Variants in CNBD1 observed in about 807,000 individuals in gnomAD.
CNBD1 encodes the protein cyclic nucleotide-binding domain-containing protein 1.
A neutral mutation model predicts 54.4 loss-of-function variants in CNBD1; 71 were observed. The ratio of observed to expected loss-of-function variants is 1.30; its 90% CI spans 1.08 to 1.59. The LOEUF (loss-of-function observed/expected upper bound fraction) is 1.59, where lower values mean the gene tolerates loss of function less well. CNBD1 is among the 40% of genes most tolerant of loss of function. The pLI is 0.00. For missense variants in CNBD1, 659 were observed against 518.0 expected, an observed-to-expected ratio of 1.27 and a Z score of -2.64; for synonymous variants, 182 against 170.7, an observed-to-expected ratio of 1.07 and a Z score of -0.51.
chr8:87,034,438 G>A (rs1333375216), intron 4 of CNBD1, among the ~76,000 whole-genome samples: 2 of 152,196 alleles, frequency 1.3e-5, no homozygotes, highest in African/African-American at 4.8e-5. Flanking sequence ...CATCTCAACA[G>A]CAACAGGAGG....
chr8:87,380,809 C>G (rs888166015), intron 10 of CNBD1, among the ~76,000 whole-genome samples: 1 of 151,818 alleles, frequency 6.6e-6, no homozygotes, highest in Admixed American at 6.6e-5. Context: ...AATTTAATCT[C>G]TACAAAAATA....
chr8:87,226,313 G>C (rs1321828938), intron 5 of CNBD1, among the ~76,000 whole-genome samples: 1 of 150,454 alleles, frequency 6.6e-6, no homozygotes. Context: ...TGCTTTTCTA[G>C]TTCTTTTAAT....
chr8:86,891,418 GT>G (rs1194714842), intron 2 of CNBD1, among the ~76,000 whole-genome samples: 1 of 151,890 alleles, frequency 6.6e-6, no homozygotes, highest in Non-Finnish European at 1.5e-5. Context: ...TTATTTCTGG[GT>G]TTTCTATCCT....
At chr8:87,014,500 A>G in intron 4 of CNBD1, among the ~76,000 whole-genome samples, 1 of 152,226 alleles carries the variant, frequency 6.6e-6, no homozygotes, top group East Asian at 1.9e-4. Context: ...ACTAAAGTAA[A>G]TATCTGAAAT....
rs60755421 is a variant in CNBD1, at chr8:86,989,304, A to AATACATACATACATACATAC, written c.431+49566_431+49585dup. 3.0e-3 allele frequency among the ~76,000 whole-genome samples: 453 copies of AATACATACATACATACATAC among 149,248 alleles called. 5 individuals are homozygous for AATACATACATACATACATAC. The highest frequency in any genetic ancestry group is 0.018 in the South Asian group (85 of 4,638). On this transcript the variant is annotated intron_variant, in intron 4 of 10. Coordinates refer to ENST00000518476, the MANE Select transcript of CNBD1 (RefSeq NM_173538.3). ...GCAAGACAGCATCTCAAAACAAATA[A>AATACATACATACATACATAC]ATACATACATACATACATACATACA...
chr8:87,274,546 T>A (rs1808437095), intron 6 of CNBD1, among the ~76,000 whole-genome samples: 2 of 148,638 alleles, frequency 1.3e-5, no homozygotes, highest in Admixed American at 1.3e-4. Flanking sequence ...TTTTCTTGTT[T>A]TTTGGCTACA....
Position 87,337,783 on chromosome 8 carries a change from G to A in CNBD1, c.1043-13902G>A, listed in dbSNP as rs62526776. Among the ~76,000 whole-genome samples, 909 of 152,276 alleles carry A rather than the reference G, an allele frequency of 6.0e-3. 5 individuals are homozygous for A. The highest frequency in any genetic ancestry group is 0.01 in the Non-Finnish European group (697 of 68,026). On this transcript the variant is annotated intron_variant, in intron 8 of 10. Transcript: ENST00000518476. ...ACAGTGTTCTTTCTTCCTCTTCGTG[G>A]ATCATGCCAGCCACCTAGTCAGTTC...
At chr8:87,253,060 A>G (rs1012499238) in intron 6 of CNBD1, among the ~76,000 whole-genome samples, 8 of 152,180 alleles carry the variant, frequency 5.3e-5, no homozygotes, top group African/African-American at 1.9e-4. Flanking sequence ...GAGAAAGGAG[A>G]GAAGAGAAAG....
chr8:86,924,392 C>G (rs1809324715), intron 3 of CNBD1, among the ~76,000 whole-genome samples: 1 of 152,018 alleles, frequency 6.6e-6, no homozygotes, highest in South Asian at 2.1e-4. Flanking sequence ...TGAGAGTCAT[C>G]AAGATGAGGG....
intron 2 of CNBD1, among the ~76,000 whole-genome samples, chr8:87,397,104 T>C (rs907482689): frequency 2.0e-5 from 3 of 151,964 alleles, no homozygotes; most frequent in Admixed American, 6.6e-5. Flanking sequence ...TTGCTCATTT[T>C]ACAGTACCAG....
intron 8 of CNBD1, among the ~76,000 whole-genome samples, chr8:87,335,598 C>G (rs915556927): frequency 6.6e-6 from 1 of 152,052 alleles, no homozygotes; most frequent in Non-Finnish European, 1.5e-5. Context: ...CTACGTGTGT[C>G]TTTGCACGTA....
At chr8:87,025,008 G>C (rs1037395687) in intron 4 of CNBD1, among the ~76,000 whole-genome samples, 1 of 152,166 alleles carries the variant, frequency 6.6e-6, no homozygotes, top group African/African-American at 2.4e-5. Context: ...AGGCCAAATT[G>C]TTGGGTGAGA....
At chr8:87,210,609 T>C (rs913528699) in intron 5 of CNBD1, among the ~76,000 whole-genome samples, 1 of 152,132 alleles carries the variant, frequency 6.6e-6, no homozygotes. Flanking sequence ...AAGGGGCCCA[T>C]ATATAGCTTG....
chr8:87,240,805 C>T (rs1054948656), intron 6 of CNBD1, among the ~76,000 whole-genome samples: 2 of 152,042 alleles, frequency 1.3e-5, no homozygotes, highest in Non-Finnish European at 2.9e-5. Context: ...CCTGCAGTTC[C>T]CTGGAGCTGG....
At chr8:87,321,349 G>A (rs971896945) in intron 8 of CNBD1, among the ~76,000 whole-genome samples, 10 of 152,008 alleles carry the variant, frequency 6.6e-5, no homozygotes, top group Admixed American at 4.6e-4. Flanking sequence ...TAGTTTTCTG[G>A]TTTGTGTTTG....
At chr8:87,060,624 A>G (rs1293548722) in intron 4 of CNBD1, among the ~76,000 whole-genome samples, 1 of 152,208 alleles carries the variant, frequency 6.6e-6, no homozygotes, top group Non-Finnish European at 1.5e-5. Flanking sequence ...AAGCTAAAAT[A>G]AAGCATTTTT....
intron 1 of CNBD1, among the ~76,000 whole-genome samples, chr8:86,876,668 AGTCAT>A (rs1226815885): frequency 2.3e-5 from 1 of 43,004 alleles, no homozygotes; most frequent in Non-Finnish European, 5.0e-5. Context: ...TTGTAATATC[AGTCAT>A]TTTTTTCTTC....
At chr8:87,053,133 T>C (rs1441861396) in intron 4 of CNBD1, among the ~76,000 whole-genome samples, 1 of 152,202 alleles carries the variant, frequency 6.6e-6, no homozygotes, top group Non-Finnish European at 1.5e-5. Flanking sequence ...CTGCCTGATA[T>C]GACTGCTTAA....
chr8:87,365,833 T>A lies in CNBD1; in HGVS notation c.1303+12047T>A, dbSNP rs969850920. 2.0e-5 allele frequency among the ~76,000 whole-genome samples: 3 copies of A among 152,092 alleles called. No homozygotes were observed. The East Asian group carries it at 5.8e-4, about 29-fold the overall frequency. On this transcript the variant is annotated intron_variant, in intron 10 of 10. Coordinates refer to ENST00000518476, the MANE Select transcript of CNBD1 (RefSeq NM_173538.3). ...ATAAATAACTGGTTTATTGAATAAT[T>A]ACAACTCACAGGAAGCATTTACAAA...
Sources: gnomAD v4.1 joint callset for allele counts (sites outside exome capture counted in the v4.1 genomes callset) on GRCh38, gnomAD v4.1.1 for gene constraint, MANE v1.5 for transcripts, NCBI Gene and HGNC (gene_info 2026-07-23, HGNC 2026-07-21) for gene names.